Variants in TMC2 observed in about 807,000 individuals in gnomAD.
TMC2 encodes the protein transmembrane channel-like protein 2.
Under a neutral mutation model 105.9 loss-of-function variants are expected in TMC2, and 102 were observed. The ratio of observed to expected loss-of-function variants is 0.96; its 90% CI spans 0.82 to 1.14. TMC2 has a LOEUF of 1.14. TMC2 is among the 50% of genes most tolerant of loss of function. The probability of loss-of-function intolerance (pLI) is 0.00; values close to 1 mark genes in which losing one functional copy is unlikely to be tolerated. For synonymous variants in TMC2, 402 were observed against 422.8 expected, an observed-to-expected ratio of 0.95 and a Z score of 0.60; for missense variants, 1,093 against 1,134.3, an observed-to-expected ratio of 0.96 and a Z score of 0.52.
At chr20:2,631,462 T>C (rs780639199) in intron 17 of TMC2, among the ~76,000 whole-genome samples, 7 of 152,272 alleles carry the variant, frequency 4.6e-5, no homozygotes, top group Admixed American at 1.3e-4. Context: ...CTGCTAGTGA[T>C]TACTTCTCTT....
chr20:2,545,757 AGAC>A (rs1293487817), intron 2 of TMC2, among the ~76,000 whole-genome samples: 3 of 151,752 alleles, frequency 2.0e-5, no homozygotes, highest in Admixed American at 2.0e-4. Flanking sequence ...AGGAAGAAGA[AGAC>A]GAGGAAGAAG....
chr20:2,624,872 T>A (rs530264908), intron 17 of TMC2, among the ~76,000 whole-genome samples: 1 of 152,310 alleles, frequency 6.6e-6, no homozygotes, highest in East Asian at 1.9e-4. Flanking sequence ...AATATCAAAG[T>A]CCTGTGGGCT....
Position 2,635,964 on chromosome 20 carries a change from T to C in TMC2, c.2345T>C (p.Leu782Pro). ...IYYLNSVSKS[L>P]SRANAQLRKK... The stretch of plus-strand genomic sequence containing the variant: ...TACCTGAACTCAGTTTCCAAAAGCC[T>C]TTCCCGAGCTAATGCCCAGCTGAGG... Residue 782 changes from leucine (L) to proline (P), a missense_variant, in exon 18 of 20, where the codon CTT (leucine) becomes CCT (proline). Transcript: ENST00000358864. 6.2e-7 allele frequency: 1 copy of C among 1,614,142 alleles called. No individual in the cohort carries two copies. Among genetic ancestry groups the C allele is most frequent in the Non-Finnish European group, 8.5e-7 (1 of 1,179,988 alleles).
intron 6 of TMC2, among the ~76,000 whole-genome samples, chr20:2,579,448 G>A (rs996466943): frequency 1.3e-5 from 2 of 150,984 alleles, no homozygotes; most frequent in Non-Finnish European, 1.5e-5. Flanking sequence ...TTGAGACAGA[G>A]TCTCGCTCTG....
Position 2,558,282 on chromosome 20 carries a change from A to G in TMC2, c.83-174A>G, listed in dbSNP as rs2085996792. On this transcript the variant is annotated intron_variant, in intron 2 of 19. Transcript: ENST00000358864. This position sits in a 1 kb window ranked among gnomAD's most constrained non-coding sequence, Gnocchi z 4.6. ...TTCTGCAGTTTTCTTAGTTTCCTTC[A>G]GCTTAAAATACTCAACATGCCAAGG... 8 of 1,422,760 alleles carry G rather than the reference A, an allele frequency of 5.6e-6. No homozygotes were observed. Among genetic ancestry groups the G allele is most frequent in the East Asian group, 2.5e-5 (1 of 39,610 alleles). 88.1% of individuals were successfully genotyped at this position (1,422,760 alleles called of 1,614,324 possible).
intron 4 of TMC2, among the ~76,000 whole-genome samples, chr20:2,568,503 G>A: frequency 6.6e-6 from 1 of 152,150 alleles, no homozygotes; most frequent in East Asian, 1.9e-4. Flanking sequence ...TGAACAGAGA[G>A]AAGAGAAGCG....
At chr20:2,594,762 ATGTCTGGTAACCACCAGCTC>A in intron 8 of TMC2, 43 bp from the exon 9 acceptor site, 2 of 1,550,018 alleles carry the variant, frequency 1.3e-6, no homozygotes. Flanking sequence ...TAGAGTAGAC[ATGTCTGGTAACCACCAGCTC>A]TGAGCTTACC....
intron 10 of TMC2, among the ~76,000 whole-genome samples, chr20:2,601,655 A>G (rs1046199601): frequency 5.9e-5 from 9 of 151,938 alleles, no homozygotes; most frequent in Non-Finnish European, 8.8e-5. Flanking sequence ...AGCCTGACCA[A>G]CATGGAGAAA....
rs1555769797 is a variant in TMC2, at chr20:2,543,903, G to GT, written c.82+6604dup. 3.4e-3 allele frequency among the ~76,000 whole-genome samples: 494 copies of GT among 144,158 alleles called. 5 individuals carry two copies. Among genetic ancestry groups the GT allele is most frequent in the Middle Eastern group, 7.4e-3 (2 of 272 alleles). The allele number at this position is 144,158 out of a possible 152,430, so 94.6% of individuals were successfully genotyped here. A position where few individuals can be genotyped will look rare whatever the true frequency, so the allele number is the denominator to read the frequency against. On this transcript the variant is annotated intron_variant, in intron 2 of 19. Transcript: ENST00000358864. ...GGCAGCTGTTTCAACCTGCATGTCA[G>GT]TTTTTTTTTTTTTTTTTGAGACAGA...
intron 2 of TMC2, among the ~76,000 whole-genome samples, chr20:2,556,027 A>C (rs2085982864): frequency 1.3e-5 from 2 of 152,198 alleles, no homozygotes; most frequent in South Asian, 4.1e-4. Context: ...TTGTTATCCT[A>C]AACAAACCCT....
At chr20:2,582,027 AAGG>A (rs1415341700) in intron 7 of TMC2, among the ~76,000 whole-genome samples, 2 of 152,012 alleles carry the variant, frequency 1.3e-5, no homozygotes, top group Admixed American at 1.3e-4. Flanking sequence ...GCTTGGGAAG[AAGG>A]AGAAGGGAAG....
intron 17 of TMC2, among the ~76,000 whole-genome samples, chr20:2,635,442 C>A (rs1302269986): frequency 6.6e-6 from 1 of 152,136 alleles, no homozygotes; most frequent in African/African-American, 2.4e-5. Flanking sequence ...ATGACCTTGG[C>A]AAATTATTTA....
At chr20:2,590,250 G>A (rs1246539422) in intron 7 of TMC2, among the ~76,000 whole-genome samples, 3 of 152,154 alleles carry the variant, frequency 2.0e-5, no homozygotes, top group Admixed American at 2.0e-4. Flanking sequence ...AAAAACAAGG[G>A]AATTGTTAAC....
At chr20:2,605,134 T>TAATTG (rs1600125602) in intron 11 of TMC2, among the ~76,000 whole-genome samples, 1 of 152,304 alleles carries the variant, frequency 6.6e-6, no homozygotes, top group African/African-American at 2.4e-5. Flanking sequence ...ATTAGTGTCT[T>TAATTG]AATTGAATTG....
At chr20:2,580,537 A>C (rs1422181102) in intron 7 of TMC2, among the ~76,000 whole-genome samples, 1 of 152,188 alleles carries the variant, frequency 6.6e-6, no homozygotes, top group African/African-American at 2.4e-5. Context: ...CACCAAAAAA[A>C]CTTGGATTTG....
chr20:2,586,372 A>G (rs932261240), intron 7 of TMC2, among the ~76,000 whole-genome samples: 3 of 152,240 alleles, frequency 2.0e-5, no homozygotes, highest in Admixed American at 6.5e-5. Context: ...TTATTGGCCC[A>G]TAGCAAGTCT....
chr20:2,616,929 A>G lies in TMC2; in HGVS notation c.1941-143A>G. On this transcript the variant is annotated intron_variant, in intron 15 of 19. Coordinates refer to ENST00000358864, the MANE Select transcript of TMC2 (RefSeq NM_080751.3). The surrounding 1 kb of genome is among the most constrained non-coding windows in gnomAD (Gnocchi z 4.8). ...GCTTGATGATCGATATTCTGGTTAA[A>G]TGGGAGGCCCCTTACCTGGGGACTT... The G allele has an allele frequency of 2.4e-6, 2 of 839,640 alleles. No individual in the cohort carries two copies. The highest frequency in any genetic ancestry group is 3.4e-5 in the South Asian group (2 of 58,190). The allele number at this position is 839,640 out of a possible 1,614,324, so 52.0% of individuals were successfully genotyped here.
chr20:2,572,156 C>CTTA (rs1568509467), intron 4 of TMC2, 23 bp from the exon 5 acceptor site: 17 of 1,273,974 alleles, frequency 1.3e-5, no homozygotes, highest in Admixed American at 1.2e-4. Flanking sequence ...TGAAATCCTG[C>CTTA]TTTTTTTTTT....
chr20:2,537,276 C>T lies in TMC2; in HGVS notation c.42C>T (p.Gly14=), dbSNP rs73575078. The change falls in exon 2 of 20, where the codon GGC becomes GGT. Residue 14 remains glycine (G), a synonymous_variant. Transcript: ENST00000358864. The part of the protein sequence containing the change: ...QVKGLKEEAR[G]GVKGRVKSGS... ...CAATCCTGTCTCTTACAGCACGAGG[C>T]GGAGTGAAAGGGCGGGTGAAGAGCG... 2.0e-4 allele frequency: 327 copies of T among 1,603,340 alleles called. 2 individuals are homozygous for T. In the African/African-American group the frequency reaches 3.1e-3, roughly 15 times the overall value.
Sources: allele counts gnomAD v4.1 joint callset (sites outside exome capture counted in the v4.1 genomes callset), GRCh38; gene constraint gnomAD v4.1.1; non-coding constraint Gnocchi (gnomAD v3.1); transcripts MANE v1.5; gene names NCBI Gene and HGNC (gene_info 2026-07-23, HGNC 2026-07-21).